CCDC40: variants seen among roughly 807,000 people sequenced by gnomAD.
CCDC40 encodes the protein coiled-coil domain 40 molecular ruler complex subunit, also known as coiled-coil domain-containing protein 40.
Under a neutral mutation model 124.5 loss-of-function variants are expected in CCDC40, and 104 were observed. That is an observed-to-expected ratio of 0.84 (90% CI 0.71 to 0.98). CCDC40 has a LOEUF of 0.98. CCDC40 is among the 50% of genes least tolerant of loss of function. The probability of loss-of-function intolerance (pLI) is 0.00; values close to 1 mark genes in which losing one functional copy is unlikely to be tolerated. For missense variants in CCDC40, 1,463 were observed against 1,503.9 expected (o/e 0.97, Z 0.45); for synonymous variants, 580 against 602.9 (o/e 0.96, Z 0.56).
intron 7 of CCDC40, among the ~76,000 whole-genome samples, chr17:80,053,632 G>C (rs1325650454): frequency 1.3e-5 from 2 of 152,028 alleles, no homozygotes; most frequent in African/African-American, 4.8e-5. Context: ...TCTCTCTGTC[G>C]CCCAGGCTGG....
chr17:80,055,835 C>T (rs1043191979), intron 7 of CCDC40, among the ~76,000 whole-genome samples: 3 of 150,510 alleles, frequency 2.0e-5, no homozygotes, highest in African/African-American at 7.3e-5. Flanking sequence ...TTGTTTTCTT[C>T]GAGACAGCGA....
Position 80,065,618 on chromosome 17 carries a change from C to G in CCDC40, c.1562+12C>G. 6.2e-7 allele frequency: 1 copy of G among 1,611,788 alleles called. No homozygotes were observed. The highest frequency in any genetic ancestry group is 8.5e-7 in the Non-Finnish European group (1 of 1,179,828). On this transcript the variant is annotated intron_variant, in intron 10 of 19. Coordinates refer to ENST00000397545, the MANE Select transcript of CCDC40 (RefSeq NM_017950.4). ...CTGGAGGCGCTCAGGTACTGCAGGG[C>G]CACAGGCAGCGAGGATGTGCGGGAA...
intron 9 of CCDC40, among the ~76,000 whole-genome samples, chr17:80,060,179 G>A (rs2037861647): frequency 6.6e-6 from 1 of 152,076 alleles, no homozygotes; most frequent in Non-Finnish European, 1.5e-5. Context: ...TCCATGCTAA[G>A]CCCAGGGGGT....
At chr17:80,084,720 G>T in intron 12 of CCDC40, 23 bp from the exon 13 acceptor site, 1 of 1,613,524 alleles carries the variant, frequency 6.2e-7, no homozygotes, top group South Asian at 1.1e-5. Flanking sequence ...AATATTCACA[G>T]GTATTTCTTT....
At chr17:80,078,569 TG>T (rs2038368200) in intron 10 of CCDC40, among the ~76,000 whole-genome samples, 1 of 152,164 alleles carries the variant, frequency 6.6e-6, no homozygotes, top group Non-Finnish European at 1.5e-5. Context: ...GTGACACCTT[TG>T]TCAAAGATCA....
At position 80,048,635 on chromosome 17, in the gene CCDC40, G is replaced by T; in HGVS notation, c.729G>T (p.Val243=). The T allele has an allele frequency of 1.2e-6, 2 of 1,614,080 alleles. No individual in the cohort carries two copies. Among genetic ancestry groups the T allele is most frequent in the Non-Finnish European group, 1.7e-6 (2 of 1,180,030 alleles). ...DAHPREGDLP[V]FQDQIQQPST... The stretch of plus-strand genomic sequence containing the variant: ...ACCCCAGGGAAGGAGACCTGCCAGT[G>T]TTCCAGGACCAGATCCAGCAGCCCA... The change falls in exon 5 of 20, where the codon GTG becomes GTT. Residue 243 remains valine, a synonymous_variant. Coordinates refer to ENST00000397545, the MANE Select transcript of CCDC40 (RefSeq NM_017950.4).
At position 80,095,256 on chromosome 17, in the gene CCDC40, C is replaced by T; in HGVS notation, c.2833-7C>T. ...CCCAGCCCCAGCCCCTCTGTCCTGT[C>T]TCCCAGGTCAGGCTCGGGCAGCTGC... On this transcript the variant is annotated splice_region_variant and splice_polypyrimidine_tract_variant and intron_variant, in intron 17 of 19. Coordinates refer to ENST00000397545, the MANE Select transcript of CCDC40 (RefSeq NM_017950.4). 1.2e-6 allele frequency: 2 copies of T among 1,613,578 alleles called. No individual in the cohort carries two copies. The highest frequency in any genetic ancestry group is 1.7e-6 in the Non-Finnish European group (2 of 1,179,876).
intron 3 of CCDC40, among the ~76,000 whole-genome samples, chr17:80,046,558 A>ATAATAATAATAATAATAAT (rs2037425299): frequency 6.6e-6 from 1 of 151,466 alleles, no homozygotes; most frequent in Admixed American, 6.6e-5. Context: ...AATAATAATA[A>ATAATAATAATAATAATAAT]AAGAGTGGTT....
chr17:80,047,410 C>A lies in CCDC40; in HGVS notation c.676+8C>A, dbSNP rs2037454755. Reference sequence around the variant, plus strand: ...TCGTCTCGCAGGAGCCAGGTGCCACCCACCTGCTGAGGTCACCCTGCCCTG... The same window carrying A: ...TCGTCTCGCAGGAGCCAGGTGCCACACACCTGCTGAGGTCACCCTGCCCTG... On this transcript the variant is annotated splice_region_variant and intron_variant, in intron 4 of 19. Coordinates refer to ENST00000397545, the MANE Select transcript of CCDC40 (RefSeq NM_017950.4). 1.2e-6 allele frequency: 2 copies of A among 1,610,738 alleles called. No individual in the cohort carries two copies. The highest frequency in any genetic ancestry group is 1.7e-6 in the Non-Finnish European group (2 of 1,178,840).
At chr17:80,051,367 C>G in intron 7 of CCDC40, 1 of 820,502 alleles carries the variant, frequency 1.2e-6, no homozygotes, top group Non-Finnish European at 1.5e-6. Context: ...CAGTGGCTCA[C>G]GCCTGTAATC....
chr17:80,094,505 G>T (rs761939140), intron 17 of CCDC40, among the ~76,000 whole-genome samples: 2 of 152,048 alleles, frequency 1.3e-5, no homozygotes, highest in Non-Finnish European at 2.9e-5. Context: ...GACCATCTTG[G>T]CCAACATGGT....
Position 80,065,571 on chromosome 17 carries a change from C to A in CCDC40, c.1527C>A (p.Arg509=). ...WASSLVGMKH[R]DEAHRAVLEA... ...GCAGCCTGGTGGGCATGAAGCACCG[C>A]GACGAGGCGCACAGGGCGGTGCTGG... Residue 509 remains arginine, a synonymous_variant, in exon 10 of 20, where the codon CGC becomes CGA. Coordinates refer to ENST00000397545, the MANE Select transcript of CCDC40 (RefSeq NM_017950.4). The A allele has an allele frequency of 5.6e-6, 9 of 1,612,900 alleles. No individual in the cohort carries two copies. Among genetic ancestry groups the A allele is most frequent in the Non-Finnish European group, 7.6e-6 (9 of 1,179,922 alleles).
chr17:80,067,534 A>C (rs1171242368), intron 10 of CCDC40: 3 of 1,501,114 alleles, frequency 2.0e-6, no homozygotes, highest in Non-Finnish European at 2.7e-6. Flanking sequence ...CCAAGTCAAA[A>C]TATAAACACC....
rs755580274 is a variant in CCDC40, at chr17:80,086,240, T to A, written c.2449+24T>A. ...AAGTAAGAGCCGCCGTGCCCGGCCC[T>A]GCAGTGATGCTGAGACGAGCTCTGG... On this transcript the variant is annotated intron_variant, in intron 14 of 19. Coordinates refer to ENST00000397545, the MANE Select transcript of CCDC40 (RefSeq NM_017950.4). This position sits in a 1 kb window ranked among gnomAD's most constrained non-coding sequence, Gnocchi z 5.5. 1.9e-6 allele frequency: 3 copies of A among 1,557,436 alleles called. No individual in the cohort carries two copies. The highest frequency in any genetic ancestry group is 2.1e-4 in the Middle Eastern group (1 of 4,870).
rs1401690764 is a variant in CCDC40, at chr17:80,047,497, C to T, written c.676+95C>T. ...GATGCCACTCGTTTGTCATCCGTTACCTGTTTCCTGAGTGGCTGTGAGCTG... is the reference window on the plus strand; with the variant it reads ...GATGCCACTCGTTTGTCATCCGTTATCTGTTTCCTGAGTGGCTGTGAGCTG... On this transcript the variant is annotated intron_variant, in intron 4 of 19. Transcript: ENST00000397545. 12 of 1,337,576 alleles carry T rather than the reference C, an allele frequency of 9.0e-6. No individual in the cohort carries two copies. In the South Asian group the frequency reaches 1.4e-4, roughly 15 times the overall value. 82.9% of individuals were successfully genotyped at this position (1,337,576 alleles called of 1,614,324 possible). A position where few individuals can be genotyped will look rare whatever the true frequency, so the allele number is the denominator to read the frequency against.
Position 80,047,343 on chromosome 17 carries a change from T to A in CCDC40, c.617T>A (p.Leu206Gln). Residue 206 changes from leucine (L) to glutamine (Q), a missense_variant, in exon 4 of 20, where the codon CTG (leucine) becomes CAG (glutamine). Physicochemically the swap from Leu to Gln is moderately radical, Grantham distance 113. Coordinates refer to ENST00000397545, the MANE Select transcript of CCDC40 (RefSeq NM_017950.4). ...LPMGVQHRFR[L>Q]SHGSDIESSD... ...ATGGGCGTCCAGCACCGCTTCCGGC[T>A]GAGCCACGGGAGCGACATCGAGTCC... 1 of 1,613,862 alleles carries A rather than the reference T, an allele frequency of 6.2e-7. No homozygotes were observed. Among genetic ancestry groups the A allele is most frequent in the Non-Finnish European group, 8.5e-7 (1 of 1,179,860 alleles).
intron 3 of CCDC40, among the ~76,000 whole-genome samples, chr17:80,046,532 C>CAATAATAATAATAAT (rs60431250): frequency 0.037 from 5,431 of 147,288 alleles, 115 homozygotes; most frequent in Non-Finnish European, 0.043. Flanking sequence ...GACCCTTACT[C>CAATAATAATAATAAT]AATAATAATA....
chr17:80,088,710 G>A (rs1304025589), intron 16 of CCDC40, among the ~76,000 whole-genome samples: 1 of 152,234 alleles, frequency 6.6e-6, no homozygotes. Flanking sequence ...GGGAGGCTGA[G>A]GTGGGAGGAT....
intron 17 of CCDC40, among the ~76,000 whole-genome samples, chr17:80,093,448 G>C (rs2038754437): frequency 6.6e-6 from 1 of 151,956 alleles, no homozygotes; most frequent in African/African-American, 2.4e-5. Context: ...CTCCCAAAGT[G>C]CTGGGATTAC....
Sources: allele counts gnomAD v4.1 joint callset (sites outside exome capture counted in the v4.1 genomes callset), GRCh38; gene constraint gnomAD v4.1.1; non-coding constraint Gnocchi (gnomAD v3.1); transcripts MANE v1.5; gene names NCBI Gene and HGNC (gene_info 2026-07-23, HGNC 2026-07-21).